The following CCDC192 variants were observed in gnomAD, a reference collection of about 807,000 sequenced individuals.
CCDC192 encodes the protein coiled-coil domain-containing protein 192.
intron 2 of CCDC192, among the ~76,000 whole-genome samples, chr5:127,738,414 G>A (rs1580563750): frequency 7.1e-6 from 1 of 140,220 alleles, no homozygotes; most frequent in East Asian, 2.0e-4. Flanking sequence ...GTGTCTTGGA[G>A]TTGCTCTTCT....
At chr5:127,938,571 A>G (rs1754250045) in intron 6 of CCDC192, among the ~76,000 whole-genome samples, 1 of 152,242 alleles carries the variant, frequency 6.6e-6, no homozygotes, top group African/African-American at 2.4e-5. Context: ...TAAATTTTCT[A>G]GGAGCCACAT....
intron 5 of CCDC192, among the ~76,000 whole-genome samples, chr5:127,839,335 A>G (rs1477337612): frequency 6.6e-6 from 1 of 152,220 alleles, no homozygotes; most frequent in Non-Finnish European, 1.5e-5. Context: ...GTGAAAAGAG[A>G]GGAATACATA....
At chr5:127,817,535 A>G (rs1212313860) in intron 5 of CCDC192, among the ~76,000 whole-genome samples, 1 of 152,222 alleles carries the variant, frequency 6.6e-6, no homozygotes, top group Non-Finnish European at 1.5e-5. Context: ...GAAGCCAAAA[A>G]CAAAACTCCA....
chr5:127,702,731 A>G (rs899521270), upstream of CCDC192, among the ~76,000 whole-genome samples: 10 of 152,192 alleles, frequency 6.6e-5, no homozygotes, highest in Non-Finnish European at 1.3e-4. Flanking sequence ...TCCTACCTGT[A>G]CTTCCTGTCA....
At chr5:127,894,761 A>C (rs1312970463) in intron 6 of CCDC192, among the ~76,000 whole-genome samples, 2 of 152,236 alleles carry the variant, frequency 1.3e-5, no homozygotes, top group African/African-American at 4.8e-5. Context: ...AATCTGTAAG[A>C]TTTTAGAACT....
chr5:127,858,921 C>T (rs1751230985), intron 5 of CCDC192, among the ~76,000 whole-genome samples: 1 of 143,414 alleles, frequency 7.0e-6, no homozygotes, highest in Non-Finnish European at 1.5e-5. Context: ...AATTATTTGA[C>T]ACTTTTGTGT....
intron 6 of CCDC192, among the ~76,000 whole-genome samples, chr5:127,917,403 G>A (rs1019851394): frequency 2.0e-5 from 3 of 152,068 alleles, no homozygotes; most frequent in African/African-American, 2.4e-5. Context: ...TTGGCTAACC[G>A]GCGCAAGGGG....
chr5:127,752,402 G>A (rs567806817), intron 2 of CCDC192, among the ~76,000 whole-genome samples: 33 of 152,280 alleles, frequency 2.2e-4, no homozygotes, highest in African/African-American at 6.7e-4. Flanking sequence ...CCTGCTGGAG[G>A]GTGCCTCCCA....
intron 5 of CCDC192, among the ~76,000 whole-genome samples, chr5:127,818,907 T>A (rs536116264): frequency 6.6e-6 from 1 of 152,322 alleles, no homozygotes; most frequent in South Asian, 2.1e-4. Flanking sequence ...GAGTTGGCAA[T>A]GCTGGGACTT....
chr5:127,761,168 G>C (rs993267744), intron 3 of CCDC192, among the ~76,000 whole-genome samples: 3 of 152,172 alleles, frequency 2.0e-5, no homozygotes, highest in African/African-American at 7.2e-5. Context: ...GCCAGGTTTA[G>C]TTTCTTTGCT....
chr5:127,857,205 C>T (rs573629949), intron 5 of CCDC192, among the ~76,000 whole-genome samples: 1 of 152,320 alleles, frequency 6.6e-6, no homozygotes, highest in Non-Finnish European at 1.5e-5. Context: ...CTTTTACCCA[C>T]CTTACATCAG....
At chr5:127,705,840 G>A (rs1750926763) in intron 1 of CCDC192, among the ~76,000 whole-genome samples, 1 of 152,170 alleles carries the variant, frequency 6.6e-6, no homozygotes, top group Non-Finnish European at 1.5e-5. Flanking sequence ...GATAGAAGAT[G>A]AAATTCATTA....
intron 3 of CCDC192, among the ~76,000 whole-genome samples, chr5:127,777,193 G>A (rs1229261830): frequency 6.6e-6 from 1 of 152,234 alleles, no homozygotes; most frequent in Non-Finnish European, 1.5e-5. Flanking sequence ...AGCCACAGCG[G>A]CAAAGCTACC....
At chr5:127,709,205 GAGAGAGAGAGAGA>G (rs1561438704) in intron 2 of CCDC192, among the ~76,000 whole-genome samples, 4 of 13,420 alleles carry the variant, frequency 3.0e-4, no homozygotes, top group Non-Finnish European at 4.0e-4. Context: ...GAGAGGGGGA[GAGAGAGAGAGAGA>G]GAGAGAGAGA....
In CCDC192 at chr5:127,737,777, T is replaced by G. The variant is rs569763433; in HGVS notation, c.115-16491T>G. Among the ~76,000 whole-genome samples the G allele has an allele frequency of 6.9e-3, 1,045 of 152,040 alleles. 21 individuals carry two copies. The highest frequency in any genetic ancestry group is 0.024 in the African/African-American group (977 of 41,296). On this transcript the variant is annotated intron_variant, in intron 2 of 6. Transcript: ENST00000514853. ...CCCCTGCCTTTTTTTGTTTTCCATTTGCTTGGTAGATCTTCCTCCATCCTT... is the reference window on the plus strand; with the variant it reads ...CCCCTGCCTTTTTTTGTTTTCCATTGGCTTGGTAGATCTTCCTCCATCCTT...
At chr5:127,832,062 A>G (rs1226271511) in intron 5 of CCDC192, among the ~76,000 whole-genome samples, 1 of 152,142 alleles carries the variant, frequency 6.6e-6, no homozygotes, top group Non-Finnish European at 1.5e-5. Context: ...AGAAAAAGAA[A>G]AAGAACAACC....
At position 127,915,718 on chromosome 5, in the gene CCDC192, T is replaced by C. The variant is rs539207471; in HGVS notation, c.536-25464T>C. Among the ~76,000 whole-genome samples the C allele has an allele frequency of 1.5e-3, 222 of 149,976 alleles. 1 individual carries two copies. The highest frequency in any genetic ancestry group is 2.9e-3 in the Non-Finnish European group (196 of 68,026). Reference sequence around the variant, plus strand: ...CTTTCTTAAAACATCATGAGATTTCTTTTGCAATTTTTTTTTTTTAGCTCA... The same window carrying C: ...CTTTCTTAAAACATCATGAGATTTCCTTTGCAATTTTTTTTTTTTAGCTCA... On this transcript the variant is annotated intron_variant, in intron 6 of 6. Transcript: ENST00000514853.
intron 5 of CCDC192, among the ~76,000 whole-genome samples, chr5:127,831,410 G>A (rs528178463): frequency 6.6e-6 from 1 of 152,072 alleles, no homozygotes; most frequent in Admixed American, 6.6e-5. Flanking sequence ...GTGTGTGCAT[G>A]CACATCTCCA....
chr5:127,850,731 C>T (rs549791458), intron 5 of CCDC192, among the ~76,000 whole-genome samples: 5 of 152,160 alleles, frequency 3.3e-5, no homozygotes, highest in African/African-American at 9.6e-5. Context: ...TTTGGGAGGC[C>T]GAGGCAGGCA....
Sources: allele counts gnomAD v4.1 joint callset (sites outside exome capture counted in the v4.1 genomes callset), GRCh38; gene constraint gnomAD v4.1.1; transcripts MANE v1.5; gene names NCBI Gene and HGNC (gene_info 2026-07-23, HGNC 2026-07-21).